Variants in WDR33 observed in about 807,000 individuals in gnomAD.
WDR33 encodes the protein pre-mRNA 3' end processing protein WDR33.
A neutral mutation model predicts 164.9 loss-of-function variants in WDR33; 47 were observed. The observed-to-expected ratio is 0.29, with a 90% CI of 0.23 to 0.36. The LOEUF (loss-of-function observed/expected upper bound fraction) is 0.36. WDR33 is among the 10% of genes least tolerant of loss of function. WDR33 has a pLI of 1.00. For synonymous variants in WDR33, 505 were observed against 589.0 expected (o/e 0.86, Z 2.06); for missense variants, 1,137 against 1,754.1 (o/e 0.65, Z 6.28).
chr2:127,772,725 G>T (rs1400199283), intron 1 of WDR33, among the ~76,000 whole-genome samples: 3 of 152,026 alleles, frequency 2.0e-5, no homozygotes, highest in Admixed American at 2.0e-4. Flanking sequence ...TATCTGAAGA[G>T]GAAAATGTTA....
In WDR33 at chr2:127,726,584, A is replaced by G; in HGVS notation, c.851+67T>C. On this transcript the variant is annotated intron_variant, in intron 8 of 21. Transcript: ENST00000322313. This position sits in a 1 kb window ranked among gnomAD's most constrained non-coding sequence, Gnocchi z 4.8. The stretch of plus-strand genomic sequence containing the variant: ...AAATACATAAGAGAAAACAAAGCTA[A>G]AAGTTAAAGGACACACTGCTTTGCT... The G allele has an allele frequency of 1.3e-6, 2 of 1,567,352 alleles. No homozygotes were observed. Among genetic ancestry groups the G allele is most frequent in the Non-Finnish European group, 8.6e-7 (1 of 1,159,812 alleles).
At chr2:127,759,288 G>T (rs1000247536) in intron 7 of WDR33, among the ~76,000 whole-genome samples, 1 of 152,078 alleles carries the variant, frequency 6.6e-6, no homozygotes, top group Non-Finnish European at 1.5e-5. Context: ...CAAATCCACC[G>T]TCAACAGATC....
chr2:127,782,915 G>A (rs189671027), intron 1 of WDR33, among the ~76,000 whole-genome samples: 17 of 152,166 alleles, frequency 1.1e-4, no homozygotes, highest in East Asian at 1.9e-4. Context: ...AGACTGAGGC[G>A]GGAGAATGGC....
At chr2:127,711,883 C>A (rs1686188695) in intron 18 of WDR33, among the ~76,000 whole-genome samples, 1 of 149,958 alleles carries the variant, frequency 6.7e-6, no homozygotes, top group Non-Finnish European at 1.5e-5. Flanking sequence ...GACGATTCTC[C>A]TGCCTCAGCC....
At position 127,732,669 on chromosome 2, in the gene WDR33, C is replaced by T. The variant is rs13431467; in HGVS notation, c.725-5892G>A. Among the ~76,000 whole-genome samples the T allele has an allele frequency of 2.0e-3, 303 of 152,212 alleles. 1 individual carries two copies. The highest frequency in any genetic ancestry group is 7.1e-3 in the African/African-American group (293 of 41,530). ...CATTTGCCAACAGAAGAAACCAGTG[C>T]CTGTGGTCCCAGGAAGATGTGCCTC... On this transcript the variant is annotated intron_variant, in intron 7 of 21. Transcript: ENST00000322313.
At chr2:127,788,178 C>T (rs1204844763) in intron 1 of WDR33, among the ~76,000 whole-genome samples, 3 of 107,770 alleles carry the variant, frequency 2.8e-5, no homozygotes, top group Non-Finnish European at 3.9e-5. Flanking sequence ...CCAGACGGGG[C>T]GGCTGGCCGG....
intron 1 of WDR33, among the ~76,000 whole-genome samples, chr2:127,802,583 G>A (rs1689291805): frequency 6.6e-6 from 1 of 152,080 alleles, no homozygotes; most frequent in Non-Finnish European, 1.5e-5. Context: ...CGCCCAGCCA[G>A]TACTTTTTCA....
At position 127,713,620 on chromosome 2, in the gene WDR33, G is replaced by C. The variant is rs528597878; in HGVS notation, c.3271C>G (p.Pro1091Ala). 4.3e-6 allele frequency: 7 copies of C among 1,614,248 alleles called. No homozygotes were observed. The African/African-American group carries it at 8.0e-5, about 18-fold the overall frequency. Residue 1091 changes from proline to alanine, a missense_variant, in exon 18 of 22, where the codon CCC (proline) becomes GCC (alanine). Pro to Ala is a conservative substitution (Grantham distance 27). Coordinates refer to ENST00000322313, the MANE Select transcript of WDR33 (RefSeq NM_018383.5). This position sits in a 1 kb window ranked among gnomAD's most constrained non-coding sequence, Gnocchi z 6.2. ...CGCCCTCGAAAACGTGGGTCCTCGG[G>C]ATCCCGGGGGAAACGTTCATCTCCG... Reference protein sequence around the residue: ...RPGDERFPRDPEDPRFRGRRE... With the variant: ...RPGDERFPRDAEDPRFRGRRE...
chr2:127,761,207 AC>A (rs1367169720), intron 7 of WDR33, among the ~76,000 whole-genome samples: 2 of 152,052 alleles, frequency 1.3e-5, no homozygotes, highest in Non-Finnish European at 2.9e-5. Flanking sequence ...CTCTAGAATT[AC>A]TTTTTTTTTT....
At position 127,708,839 on chromosome 2, in the gene WDR33, C is replaced by G. The variant is rs750286235; in HGVS notation, c.3619G>C (p.Asp1207His). 3 of 1,610,878 alleles carry G rather than the reference C, an allele frequency of 1.9e-6. No individual in the cohort carries two copies. Among genetic ancestry groups the G allele is most frequent in the Non-Finnish European group, 2.5e-6 (3 of 1,177,996 alleles). The change falls in exon 21 of 22, where the codon GAC becomes CAC. Residue 1207 changes from aspartate to histidine, a missense_variant. This residue lies in a region of WDR33 where 867 missense variants were observed against 1,073.0 expected (regional missense o/e 0.81). Transcript: ENST00000322313. The surrounding 1 kb of genome is among the most constrained non-coding windows in gnomAD (Gnocchi z 6.7). ...DTPRPDHPPHDGHSPASRERS... is the reference protein window; with the variant it reads ...DTPRPDHPPHHGHSPASRERS... ...TCTCTGCTGGCTGGGGAATGACCGT[C>G]GTGAGGGGGATGATCAGGGCGGGGA...
chr2:127,800,231 T>C (rs1689187460), intron 1 of WDR33, among the ~76,000 whole-genome samples: 2 of 152,174 alleles, frequency 1.3e-5, no homozygotes, highest in African/African-American at 4.8e-5. Flanking sequence ...TTATTAATAA[T>C]AATCAAAAAG....
intron 7 of WDR33, among the ~76,000 whole-genome samples, chr2:127,730,583 T>C (rs1303518763): frequency 6.6e-6 from 1 of 152,108 alleles, no homozygotes; most frequent in Non-Finnish European, 1.5e-5. Context: ...CCAAAAACCA[T>C]TAAAATGAAG....
intron 18 of WDR33, among the ~76,000 whole-genome samples, chr2:127,711,781 T>TATATATATATATATATATATATATA (rs1491108798): frequency 3.2e-5 from 3 of 93,982 alleles, no homozygotes; most frequent in African/African-American, 1.2e-4. Context: ...TATATATATA[T>TATATATATATATATATATATATATA]TTTTTTTTTG....
At chr2:127,760,006 C>T (rs986002872) in intron 7 of WDR33, among the ~76,000 whole-genome samples, 12 of 152,170 alleles carry the variant, frequency 7.9e-5, no homozygotes, top group Non-Finnish European at 1.2e-4. Context: ...TACTTAACGG[C>T]CTGCCATGTG....
chr2:127,756,393 A>C (rs1372771199), intron 7 of WDR33, among the ~76,000 whole-genome samples: 1 of 151,860 alleles, frequency 6.6e-6, no homozygotes, highest in Non-Finnish European at 1.5e-5. Context: ...AAAAAAACCA[A>C]ACCCAGTATT....
chr2:127,709,000 G>T lies in WDR33; in HGVS notation c.3566-108C>A. On this transcript the variant is annotated intron_variant, in intron 20 of 21. Transcript: ENST00000322313. This position sits in a 1 kb window ranked among gnomAD's most constrained non-coding sequence, Gnocchi z 6.7. ...AACTCGAGAGCCACCGTTCACTCAT[G>T]CTGAATGCCCGCCAGAGGCCAAAGG... is the stretch of plus-strand genomic sequence containing the variant. 2 of 1,228,360 alleles carry T rather than the reference G, an allele frequency of 1.6e-6. No individual in the cohort carries two copies. The highest frequency in any genetic ancestry group is 1.5e-5 in the African/African-American group (1 of 65,654). 76.1% of individuals were successfully genotyped at this position (1,228,360 alleles called of 1,614,324 possible). A position where few individuals can be genotyped will look rare whatever the true frequency, so the allele number is the denominator to read the frequency against.
At chr2:127,767,355 T>C (rs1241071997) in intron 4 of WDR33, among the ~76,000 whole-genome samples, 6 of 152,326 alleles carry the variant, frequency 3.9e-5, no homozygotes, top group Non-Finnish European at 8.8e-5. Flanking sequence ...TACATTATCA[T>C]CTATGAAAAT....
At chr2:127,788,179 G>A (rs1285009949) in intron 1 of WDR33, among the ~76,000 whole-genome samples, 251 of 86,192 alleles carry the variant, frequency 2.9e-3, no homozygotes, top group Admixed American at 3.6e-3. Flanking sequence ...CAGACGGGGC[G>A]GCTGGCCGGG....
At chr2:127,707,350 T>C (rs770755007) in intron 21 of WDR33, among the ~76,000 whole-genome samples, 2 of 152,136 alleles carry the variant, frequency 1.3e-5, no homozygotes, top group Non-Finnish European at 2.9e-5. Context: ...TCTCAGAAGA[T>C]GACTGCAAAC....
Sources: gnomAD v4.1 joint callset for allele counts (sites outside exome capture counted in the v4.1 genomes callset) on GRCh38, gnomAD v4.1.1 for gene constraint, gnomAD v4.1.1 regional missense constraint, Gnocchi (gnomAD v3.1) non-coding constraint, MANE v1.5 for transcripts, NCBI Gene and HGNC (gene_info 2026-07-23, HGNC 2026-07-21) for gene names.